Variants in CACNB4 observed in about 807,000 individuals in gnomAD.
CACNB4 encodes the protein calcium voltage-gated channel auxiliary subunit beta 4.
CACNB4 carries 32 observed loss-of-function variants against 71.2 expected under a neutral mutation model. The ratio of observed to expected loss-of-function variants is 0.45; its 90% CI spans 0.34 to 0.60. CACNB4 has a LOEUF of 0.60. CACNB4 is among the 20% of genes least tolerant of loss of function. The pLI, the probability that CACNB4 is intolerant of heterozygous loss-of-function variation, is 0.01. For synonymous variants in CACNB4, 231 were observed against 236.9 expected, an observed-to-expected ratio of 0.97 and a Z score of 0.23; for missense variants, 464 against 647.9, an observed-to-expected ratio of 0.72 and a Z score of 3.08.
chr2:151,949,262 T>C (rs925644619), intron 2 of CACNB4, among the ~76,000 whole-genome samples: 1 of 151,854 alleles, frequency 6.6e-6, no homozygotes, highest in Non-Finnish European at 1.5e-5. Context: ...AACAACTACT[T>C]TGTGAGTTTC....
chr2:151,996,778 T>C (rs565979861), intron 2 of CACNB4, among the ~76,000 whole-genome samples: 8 of 152,208 alleles, frequency 5.3e-5, no homozygotes, highest in Admixed American at 1.3e-4. Context: ...CCCTTTTGAA[T>C]ACCAGTTTCT....
At chr2:151,981,811 C>T (rs1245683031) in intron 2 of CACNB4, among the ~76,000 whole-genome samples, 2 of 152,082 alleles carry the variant, frequency 1.3e-5, no homozygotes, top group African/African-American at 4.8e-5. Flanking sequence ...CACAGTAGAG[C>T]ATTCACTGAA....
intron 2 of CACNB4, among the ~76,000 whole-genome samples, chr2:151,901,275 G>A (rs2099853368): frequency 6.6e-6 from 1 of 152,038 alleles, no homozygotes; most frequent in South Asian, 2.1e-4. Context: ...GAGCCACCGT[G>A]CCTGGCCTTT....
chr2:152,085,904 T>C (rs928062071), intron 2 of CACNB4, among the ~76,000 whole-genome samples: 5 of 151,900 alleles, frequency 3.3e-5, no homozygotes, highest in African/African-American at 1.2e-4. Context: ...AATTTTATAT[T>C]ACATTTATTA....
chr2:151,903,311 C>A (rs1175736684), intron 2 of CACNB4, among the ~76,000 whole-genome samples: 1 of 151,930 alleles, frequency 6.6e-6, no homozygotes, highest in Non-Finnish European at 1.5e-5. Flanking sequence ...GGCTGGAGTT[C>A]CAGACCAGCT....
rs150274465 is a variant in CACNB4 at position 152,014,464 on chromosome 2, C to T, written c.147+83866G>A. ...CATAATTTTTGGCTGGACATGGTGG[C>T]TCTCACCTGTAATCCTAGCACTTTG... is the stretch of plus-strand genomic sequence containing the variant. On this transcript the variant is annotated intron_variant, in intron 2 of 13. Transcript: ENST00000539935. Among the ~76,000 whole-genome samples the T allele has an allele frequency of 4.3e-3, 655 of 152,172 alleles. 14 individuals carry two copies. In the East Asian group the frequency reaches 0.06, roughly 14 times the overall value.
rs2680973 is a variant in CACNB4, at chr2:152,025,473, G to A, written c.147+72857C>T. On this transcript the variant is annotated intron_variant, in intron 2 of 13. Transcript: ENST00000539935. ...TGCTAGCTCACAGCCTCTATTGTAA[G>A]CATAAGAAAGAGCAGAAATAAGACA... Among the ~76,000 whole-genome samples, 442 of 152,304 alleles carry A rather than the reference G, an allele frequency of 2.9e-3. 2 individuals carry two copies. Among genetic ancestry groups the A allele is most frequent in the African/African-American group, 9.8e-3 (407 of 41,564 alleles).
At chr2:151,992,592 T>C (rs1681771507) in intron 2 of CACNB4, among the ~76,000 whole-genome samples, 1 of 152,194 alleles carries the variant, frequency 6.6e-6, no homozygotes, top group African/African-American at 2.4e-5. Flanking sequence ...TTTCTGTAAA[T>C]GGCGTGGCTG....
chr2:151,846,171 T>A (rs192437338), intron 12 of CACNB4, among the ~76,000 whole-genome samples: 25 of 152,320 alleles, frequency 1.6e-4, no homozygotes, highest in African/African-American at 5.8e-4. Flanking sequence ...TGATTGTGGT[T>A]GCTGGGGATC....
intron 2 of CACNB4, among the ~76,000 whole-genome samples, chr2:151,934,910 T>C (rs1469850314): frequency 6.6e-6 from 1 of 152,230 alleles, no homozygotes; most frequent in Non-Finnish European, 1.5e-5. Context: ...TATGCATTGA[T>C]TAACTGTTGA....
intron 2 of CACNB4, among the ~76,000 whole-genome samples, chr2:152,096,312 T>C (rs1051011919): frequency 4.7e-5 from 7 of 148,422 alleles, no homozygotes; most frequent in Non-Finnish European, 7.4e-5. Context: ...TGAAACCCTG[T>C]CTCCACTAAA....
intron 2 of CACNB4, chr2:151,971,853 AACTCC>A (rs2099872636): frequency 6.1e-6 from 3 of 491,098 alleles, no homozygotes. Flanking sequence ...CCAGATGCCC[AACTCC>A]ACTCCTCATG....
intron 9 of CACNB4, chr2:151,861,854 A>AAAAAAAAAAAAAAAAAAAC (rs1559883066): frequency 6.7e-6 from 1 of 150,192 alleles, no homozygotes; most frequent in East Asian, 1.9e-4. Context: ...AAAAAAAAAA[A>AAAAAAAAAAAAAAAAAAAC]AAAACTGAAG....
chr2:151,841,789 GCA>G (rs2099836294), intron 13 of CACNB4, 112 bp downstream of exon 13: 1 of 855,608 alleles, frequency 1.2e-6, no homozygotes, highest in African/African-American at 1.7e-5. Flanking sequence ...AATATAATGT[GCA>G]CATAGTGTTC....
At chr2:152,043,934 G>A (rs79098743) in intron 2 of CACNB4, among the ~76,000 whole-genome samples, 5,142 of 152,226 alleles carry the variant, frequency 0.034, 122 homozygotes, top group Non-Finnish European at 0.05. Context: ...AGCCGGGCTT[G>A]ATGGCACATT....
intron 2 of CACNB4, among the ~76,000 whole-genome samples, chr2:152,070,643 T>C (rs541243198): frequency 1.3e-5 from 2 of 152,342 alleles, no homozygotes; most frequent in African/African-American, 2.4e-5. Flanking sequence ...TAGTACATAA[T>C]CTGATTTGGC....
rs1275571389 is a variant in CACNB4, at chr2:151,836,184, CAT to C, written c.*2933_*2934del. 8 of 151,784 alleles carry C rather than the reference CAT, an allele frequency of 5.3e-5. No homozygotes were observed. The highest frequency in any genetic ancestry group is 1.9e-4 in the East Asian group (1 of 5,204). 9.4% of individuals were successfully genotyped at this position (151,784 alleles called of 1,614,324 possible). ...CCAGAACTACATTTCCACATTGTCACATGAGTCCACATTATTATATGTCTGTG... is the reference window on the plus strand; with the variant it reads ...CCAGAACTACATTTCCACATTGTCACGAGTCCACATTATTATATGTCTGTG... On this transcript the variant is annotated 3_prime_UTR_variant, in exon 14 of 14. Coordinates refer to ENST00000539935, the MANE Select transcript of CACNB4 (RefSeq NM_000726.5).
intron 2 of CACNB4, among the ~76,000 whole-genome samples, chr2:151,988,256 T>C (rs1027568963): frequency 2.0e-5 from 3 of 152,150 alleles, no homozygotes; most frequent in Non-Finnish European, 4.4e-5. Flanking sequence ...TGACTTCCAC[T>C]ACTAATCCCT....
intron 2 of CACNB4, among the ~76,000 whole-genome samples, chr2:152,078,091 A>G (rs1037793979): frequency 6.6e-6 from 1 of 152,112 alleles, no homozygotes; most frequent in Non-Finnish European, 1.5e-5. Context: ...TGGGCTTGGG[A>G]TGGCTTTTTG....
Sources: gnomAD v4.1 joint callset for allele counts (sites outside exome capture counted in the v4.1 genomes callset) on GRCh38, gnomAD v4.1.1 for gene constraint, MANE v1.5 for transcripts, NCBI Gene and HGNC (gene_info 2026-07-23, HGNC 2026-07-21) for gene names.